The following PAPOLA variants were observed in gnomAD, a reference collection of about 807,000 sequenced individuals.
PAPOLA encodes the protein polynucleotide adenylyltransferase alpha.
PAPOLA carries 15 observed loss-of-function variants against 100.6 expected under a neutral mutation model. The observed-to-expected ratio is 0.15, with a 90% CI of 0.10 to 0.23. The LOEUF (loss-of-function observed/expected upper bound fraction) is 0.23, where lower values mean the gene tolerates loss of function less well. Among genes scored for constraint, PAPOLA ranks in the 10% least tolerant of loss-of-function variants. PAPOLA has a pLI of 1.00. For missense variants in PAPOLA, 533 were observed against 884.2 expected (o/e 0.60, Z 5.04); for synonymous variants, 293 against 300.0 (o/e 0.98, Z 0.24).
At chr14:96,521,769 G>A (rs904359448) in intron 3 of PAPOLA, among the ~76,000 whole-genome samples, 1 of 151,318 alleles carries the variant, frequency 6.6e-6, no homozygotes, top group African/African-American at 2.4e-5. Context: ...GTGAGCCGCT[G>A]CCCGGCCTAT....
intron 21 of PAPOLA, among the ~76,000 whole-genome samples, 175 bp downstream of exon 21, chr14:96,563,068 G>A (rs965168476): frequency 2.0e-5 from 3 of 151,860 alleles, no homozygotes; most frequent in African/African-American, 7.3e-5. Context: ...TGGATTTGAC[G>A]GAACCGTTCT....
chr14:96,521,152 T>C, intron 3 of PAPOLA, 80 bp downstream of exon 3: 2 of 742,694 alleles, frequency 2.7e-6, no homozygotes, highest in East Asian at 2.5e-5. Context: ...AACCTGTTCT[T>C]ATTTGAGTGG....
At chr14:96,535,317 A>T in intron 10 of PAPOLA, 1 of 984,964 alleles carries the variant, frequency 1.0e-6, no homozygotes, top group Non-Finnish European at 1.2e-6. Flanking sequence ...AGAGGATGTG[A>T]ATTTACAACT....
At chr14:96,540,194 C>T (rs1354362403) in intron 12 of PAPOLA, among the ~76,000 whole-genome samples, 1 of 152,120 alleles carries the variant, frequency 6.6e-6, no homozygotes, top group Non-Finnish European at 1.5e-5. Context: ...CATTGTATAT[C>T]ATTTAAGGTT....
chr14:96,508,149 T>A (rs1282348975), intron 1 of PAPOLA, among the ~76,000 whole-genome samples: 1 of 152,194 alleles, frequency 6.6e-6, no homozygotes, highest in Non-Finnish European at 1.5e-5. Flanking sequence ...GTGCTGGGAT[T>A]ACAGGCCCAC....
chr14:96,533,395 G>C (rs905992707), intron 9 of PAPOLA: 1 of 982,132 alleles, frequency 1.0e-6, no homozygotes, highest in Non-Finnish European at 1.2e-6. Context: ...ATAAAAATTA[G>C]TTATTTGAGA....
chr14:96,544,865 C>T (rs142400093), intron 15 of PAPOLA, among the ~76,000 whole-genome samples: 285 of 152,104 alleles, frequency 1.9e-3, no homozygotes, highest in Non-Finnish European at 3.2e-3. Flanking sequence ...AATGTTAATG[C>T]ATAGGTGGGA....
chr14:96,535,797 G>A, intron 10 of PAPOLA, 82 bp from the exon 11 acceptor site: 2 of 1,163,760 alleles, frequency 1.7e-6, no homozygotes, highest in Middle Eastern at 2.4e-4. Context: ...AGAATCATTG[G>A]TTCAGTTTAA....
At chr14:96,530,369 G>A (rs1446297233) in intron 6 of PAPOLA, among the ~76,000 whole-genome samples, 2 of 150,352 alleles carry the variant, frequency 1.3e-5, no homozygotes, top group Non-Finnish European at 3.0e-5. Flanking sequence ...TAAAAATATT[G>A]CCATGTTTGT....
intron 1 of PAPOLA, among the ~76,000 whole-genome samples, chr14:96,503,173 T>G (rs1896444676): frequency 6.6e-6 from 1 of 152,236 alleles, no homozygotes; most frequent in Admixed American, 6.5e-5. Context: ...AAAGCCCAGC[T>G]TTGAGCGTTG....
intron 3 of PAPOLA, among the ~76,000 whole-genome samples, chr14:96,524,118 G>T (rs76723976): frequency 0.012 from 1,768 of 152,066 alleles, 37 homozygotes; most frequent in African/African-American, 0.039. Flanking sequence ...TTGAGAGGAA[G>T]GGGGGTGGTC....
intron 9 of PAPOLA, chr14:96,532,990 C>G (rs1290888259): frequency 1.0e-6 from 1 of 1,002,520 alleles, no homozygotes; most frequent in Non-Finnish European, 1.2e-6. Context: ...ACCTCTTTCA[C>G]TCTTTTAATT....
intron 17 of PAPOLA, chr14:96,552,944 A>G: frequency 4.5e-6 from 1 of 220,248 alleles, no homozygotes; most frequent in Non-Finnish European, 9.0e-6. Flanking sequence ...AACAGACAAA[A>G]GGAACAAAAC....
At chr14:96,514,405 T>C (rs2140240257) in intron 1 of PAPOLA, among the ~76,000 whole-genome samples, 1 of 152,100 alleles carries the variant, frequency 6.6e-6, no homozygotes, top group South Asian at 2.1e-4. Flanking sequence ...GTGGTCTCGA[T>C]CTCCTGACGT....
intron 1 of PAPOLA, among the ~76,000 whole-genome samples, chr14:96,518,371 T>C (rs923123051): frequency 1.3e-5 from 2 of 151,702 alleles, no homozygotes; most frequent in African/African-American, 4.8e-5. Flanking sequence ...TCATAAGCCT[T>C]ACTTGCATAG....
chr14:96,557,288 C>T (rs1199826695), intron 19 of PAPOLA, among the ~76,000 whole-genome samples: 2 of 152,194 alleles, frequency 1.3e-5, no homozygotes, highest in Non-Finnish European at 2.9e-5. Flanking sequence ...TGGGCTCAAG[C>T]GATCCTCCTG....
intron 3 of PAPOLA, among the ~76,000 whole-genome samples, chr14:96,523,434 G>A (rs1329896144): frequency 6.6e-6 from 1 of 152,212 alleles, no homozygotes; most frequent in African/African-American, 2.4e-5. Flanking sequence ...TTACATCCTT[G>A]CAGAAAGTAC....
intron 18 of PAPOLA, 45 bp from the exon 19 acceptor site, chr14:96,556,130 A>C: frequency 6.8e-7 from 1 of 1,460,982 alleles, no homozygotes; most frequent in Middle Eastern, 1.7e-4. Context: ...CTTGATACTG[A>C]TTTGGTTATT....
In PAPOLA at chr14:96,562,849, C is replaced by A; in HGVS notation, c.2098C>A (p.Gln700Lys). 1 of 1,612,246 alleles carries A rather than the reference C, an allele frequency of 6.2e-7. No homozygotes were observed. Among genetic ancestry groups the A allele is most frequent in the South Asian group, 1.1e-5 (1 of 90,970 alleles). The change falls in exon 21 of 22, where the codon CAA becomes AAA. Residue 700 changes from glutamine to lysine, a missense_variant. This residue lies in a region of PAPOLA where 242 missense variants were observed against 281.0 expected (regional missense o/e 0.86). Transcript: ENST00000216277. Reference sequence around the variant, plus strand: ...ACTTGATACAGAGACAAGTACAACTCAATCAGAAACTATTCAGACAGCGGC... The same window carrying A: ...ACTTGATACAGAGACAAGTACAACTAAATCAGAAACTATTCAGACAGCGGC... ...EQLDTETSTT[Q>K]SETIQTAASL...
Sources: gnomAD v4.1 joint callset for allele counts (sites outside exome capture counted in the v4.1 genomes callset) on GRCh38, gnomAD v4.1.1 for gene constraint, gnomAD v4.1.1 regional missense constraint, MANE v1.5 for transcripts, NCBI Gene and HGNC (gene_info 2026-07-23, HGNC 2026-07-21) for gene names.